RNF40: variants seen among roughly 807,000 people sequenced by gnomAD.
The protein encoded by RNF40 is E3 ubiquitin-protein ligase BRE1B.
A neutral mutation model predicts 123.3 loss-of-function variants in RNF40; 39 were observed. The ratio of observed to expected loss-of-function variants is 0.32; its 90% CI spans 0.24 to 0.41. RNF40 has a LOEUF of 0.41. Ranked by LOEUF, RNF40 falls within the 10% of genes least tolerant of loss-of-function variation. The pLI is 1.00. For missense variants in RNF40, 1,003 were observed against 1,319.9 expected, an observed-to-expected ratio of 0.76 and a Z score of 3.72; for synonymous variants, 538 against 526.0, an observed-to-expected ratio of 1.02 and a Z score of -0.31.
chr16:30,764,366 T>C lies in RNF40; in HGVS notation c.630T>C (p.Cys210=), dbSNP rs2053988809. 1.2e-6 allele frequency: 2 copies of C among 1,613,320 alleles called. No individual in the cohort carries two copies. Among genetic ancestry groups the C allele is most frequent in the Non-Finnish European group, 1.7e-6 (2 of 1,179,956 alleles). The change falls in exon 5 of 20, where the codon TGT becomes TGC. Residue 210 remains cysteine, a synonymous_variant. Coordinates refer to ENST00000324685, the MANE Select transcript of RNF40 (RefSeq NM_014771.4). ...TACAGCGCCGGGTGGAGGAACTCTG[T>C]CAGCGAGTGTACAGCCGAGGTGGGT... ...DRLQRRVEEL[C]QRVYSRGDSE...
Position 30,764,304 on chromosome 16 carries a change from G to A in RNF40, c.568G>A (p.Ala190Thr). ...GCAAGGCCGAATGGAGTTCTCCAAG[G>A]CAGCTGTGTCTCGTGTGGTAGAGGC... ...ELQGRMEFSK[A>T]AVSRVVEASD... Residue 190 changes from alanine (A) to threonine (T), a missense_variant, in exon 5 of 20, where the codon GCA (alanine) becomes ACA (threonine). This residue lies in a region of RNF40 where 274 missense variants were observed against 356.9 expected (regional missense o/e 0.77). Coordinates refer to ENST00000324685, the MANE Select transcript of RNF40 (RefSeq NM_014771.4). 1 of 1,613,982 alleles carries A rather than the reference G, an allele frequency of 6.2e-7. No homozygotes were observed. Among genetic ancestry groups the A allele is most frequent in the Non-Finnish European group, 8.5e-7 (1 of 1,179,956 alleles).
Position 30,768,142 on chromosome 16 carries a change from A to C in RNF40, c.1591A>C (p.Asn531His). ...QASGSAHSTP[N>H]LGHPEDSGVS... is the part of the protein sequence containing the mutation. ...CAGTGGCTCTGCCCACTCCACCCCC[A>C]ACCTGGGCCACCCAGAGGATTCTGG... is the stretch of plus-strand genomic sequence containing the variant. The change falls in exon 13 of 20, where the codon AAC becomes CAC. Residue 531 changes from asparagine (N) to histidine (H), a missense_variant. Physicochemically the swap from Asn to His is moderately conservative, Grantham distance 68 (BLOSUM62 1). Coordinates refer to ENST00000324685, the MANE Select transcript of RNF40 (RefSeq NM_014771.4). This position sits in a 1 kb window ranked among gnomAD's most constrained non-coding sequence, Gnocchi z 4.1. 1 of 1,607,596 alleles carries C rather than the reference A, an allele frequency of 6.2e-7. No individual in the cohort carries two copies. The highest frequency in any genetic ancestry group is 8.5e-7 in the Non-Finnish European group (1 of 1,176,396).
In RNF40 at chr16:30,772,332, C is replaced by T. The variant is rs1596763515; in HGVS notation, c.2829+142C>T. ...AGCACAGTGGTCACAGAGTCAAATG[C>T]TGTTTGCTGTACATGTACTGTGAGC... On this transcript the variant is annotated intron_variant, in intron 19 of 19. Coordinates refer to ENST00000324685, the MANE Select transcript of RNF40 (RefSeq NM_014771.4). 4 of 750,432 alleles carry T rather than the reference C, an allele frequency of 5.3e-6. No individual in the cohort carries two copies. In the East Asian group the frequency reaches 1.1e-4, roughly 20 times the overall value. 46.5% of individuals were successfully genotyped at this position (750,432 alleles called of 1,614,324 possible).
chr16:30,770,005 G>A (rs972323647), intron 17 of RNF40, among the ~76,000 whole-genome samples: 3 of 152,044 alleles, frequency 2.0e-5, no homozygotes, highest in African/African-American at 7.2e-5. Flanking sequence ...CAGGCTGACA[G>A]GTGAGAGGAT....
In RNF40 at chr16:30,765,503, A is replaced by G; in HGVS notation, c.993+4A>G. On this transcript the variant is annotated splice_donor_region_variant and intron_variant, in intron 8 of 19. Coordinates refer to ENST00000324685, the MANE Select transcript of RNF40 (RefSeq NM_014771.4). ...GATCACACTCAGCATGCAGAAGGTG[A>G]GCGGCGTTTTCCTCCCACCCCTTCT... is the stretch of plus-strand genomic sequence containing the variant. 6.2e-7 allele frequency: 1 copy of G among 1,613,790 alleles called. No individual in the cohort carries two copies. Among genetic ancestry groups the G allele is most frequent in the Non-Finnish European group, 8.5e-7 (1 of 1,179,858 alleles).
At position 30,774,516 on chromosome 16, in the gene RNF40, G is replaced by A. The variant is rs760150968; in HGVS notation, c.*402G>A. 1.4e-4 allele frequency: 30 copies of A among 215,650 alleles called. No homozygotes were observed. The highest frequency in any genetic ancestry group is 2.7e-4 in the Non-Finnish European group (29 of 106,228). 13.4% of individuals were successfully genotyped at this position (215,650 alleles called of 1,614,324 possible). A position where few individuals can be genotyped will look rare whatever the true frequency, so the allele number is the denominator to read the frequency against. ...GCTCCCTGCCTACTGGCTCACAAATGAGGACCAGTGAGCCATGTCCTTGTT... is the reference window on the plus strand; with the variant it reads ...GCTCCCTGCCTACTGGCTCACAAATAAGGACCAGTGAGCCATGTCCTTGTT... On this transcript the variant is annotated 3_prime_UTR_variant, in exon 20 of 20. Coordinates refer to ENST00000324685, the MANE Select transcript of RNF40 (RefSeq NM_014771.4).
chr16:30,767,754 A>G lies in RNF40; in HGVS notation c.1430-140A>G, dbSNP rs927256717. On this transcript the variant is annotated intron_variant, in intron 11 of 19. Coordinates refer to ENST00000324685, the MANE Select transcript of RNF40 (RefSeq NM_014771.4). ...CTTGAAGTCAGCATTATTTACTTTG[A>G]TGAGTTCATGCTCCGTTGAGGCCGC... 1.4e-5 allele frequency: 15 copies of G among 1,070,124 alleles called. No homozygotes were observed. The African/African-American group carries it at 2.2e-4, about 16-fold the overall frequency. The allele number at this position is 1,070,124 out of a possible 1,614,324, so 66.3% of individuals were successfully genotyped here.
Position 30,773,969 on chromosome 16 carries a change from G to A in RNF40, c.2861G>A (p.Arg954His), listed in dbSNP as rs971316115. The A allele has an allele frequency of 1.3e-5, 21 of 1,613,554 alleles. No homozygotes were observed. Among genetic ancestry groups the A allele is most frequent in the East Asian group, 2.2e-5 (1 of 44,878 alleles). ...TTGACCTGCCCCTGCTGTAACACCC[G>A]CAAGAAGGATGCAGTCCTTACCAAG... Reference protein sequence around the residue: ...ARLTCPCCNTRKKDAVLTKCF... With the variant: ...ARLTCPCCNTHKKDAVLTKCF... The change falls in exon 20 of 20, where the codon CGC (arginine) becomes CAC (histidine). Residue 954 changes from arginine (R) to histidine (H), a missense_variant. Physicochemically the swap from Arg to His is conservative, Grantham distance 29 (BLOSUM62 0). Around this residue, in one of 11 missense-constraint regions of RNF40, gnomAD observed 76 missense variants for 134.1 expected, o/e 0.57. Coordinates refer to ENST00000324685, the MANE Select transcript of RNF40 (RefSeq NM_014771.4).
chr16:30,762,708 C>G (rs902172852), intron 2 of RNF40, 31 bp downstream of exon 2: 2 of 1,604,332 alleles, frequency 1.2e-6, no homozygotes, highest in Non-Finnish European at 1.7e-6. Context: ...ACCCTCAGAA[C>G]TTCCCAGAGC....
At position 30,774,778 on chromosome 16, in the gene RNF40, G is replaced by A; in HGVS notation, c.*664G>A. 2 of 354,646 alleles carry A rather than the reference G, an allele frequency of 5.6e-6. No individual in the cohort carries two copies. Among genetic ancestry groups the A allele is most frequent in the Non-Finnish European group, 1.1e-5 (2 of 178,770 alleles). The allele number at this position is 354,646 out of a possible 1,614,324, so 22.0% of individuals were successfully genotyped here. A position where few individuals can be genotyped will look rare whatever the true frequency, so the allele number is the denominator to read the frequency against. On this transcript the variant is annotated 3_prime_UTR_variant, in exon 20 of 20. Transcript: ENST00000324685. ...TGCAGGTGCTGAACCAACATCATCA[G>A]TTTCTATTCTAATCAGGCCCCTTCC...
At position 30,765,073 on chromosome 16, in the gene RNF40, G is replaced by T. The variant is rs750546189; in HGVS notation, c.771+14G>T. 2.7e-5 allele frequency: 44 copies of T among 1,613,288 alleles called. No homozygotes were observed. The highest frequency in any genetic ancestry group is 2.5e-5 in the Non-Finnish European group (30 of 1,179,446). On this transcript the variant is annotated intron_variant, in intron 6 of 19. Coordinates refer to ENST00000324685, the MANE Select transcript of RNF40 (RefSeq NM_014771.4). Reference sequence around the variant, plus strand: ...ATCTCATTGGAGGTGAGGAGCCGGGGGCTTTGGGGGTGTGATTAGAATCAG... The same window carrying T: ...ATCTCATTGGAGGTGAGGAGCCGGGTGCTTTGGGGGTGTGATTAGAATCAG...
intron 8 of RNF40, among the ~76,000 whole-genome samples, chr16:30,765,767 C>T (rs962732373): frequency 2.0e-5 from 3 of 152,224 alleles, no homozygotes; most frequent in African/African-American, 7.2e-5. Context: ...TTAGGTTCTA[C>T]TTGTGGTAAC....
intron 17 of RNF40, among the ~76,000 whole-genome samples, chr16:30,770,814 C>T (rs1414010723): frequency 1.3e-5 from 2 of 152,088 alleles, no homozygotes; most frequent in Non-Finnish European, 2.9e-5. Flanking sequence ...CAGGTTCAAG[C>T]GATTCTTCTG....
Position 30,768,164 on chromosome 16 carries a change from C to T in RNF40, c.1613C>T (p.Ser538Phe). 6.2e-7 allele frequency: 1 copy of T among 1,610,766 alleles called. No homozygotes were observed. Among genetic ancestry groups the T allele is most frequent in the South Asian group, 1.1e-5 (1 of 90,628 alleles). ...STPNLGHPEDSGVSAPAPGKE... is the reference protein window; with the variant it reads ...STPNLGHPEDFGVSAPAPGKE... ...CCCAACCTGGGCCACCCAGAGGATT[C>T]TGGCGTCAGTGCCCCAGCCCCAGGG... Residue 538 changes from serine (S) to phenylalanine (F), a missense_variant, in exon 13 of 20, where the codon TCT (serine) becomes TTT (phenylalanine). Coordinates refer to ENST00000324685, the MANE Select transcript of RNF40 (RefSeq NM_014771.4). The surrounding 1 kb of genome is among the most constrained non-coding windows in gnomAD (Gnocchi z 4.1).
intron 4 of RNF40, 76 bp from the exon 5 acceptor site, chr16:30,764,103 G>C (rs1384790444): frequency 8.3e-7 from 1 of 1,203,668 alleles, no homozygotes; most frequent in African/African-American, 1.5e-5. Flanking sequence ...GTATTGAAGG[G>C]CTCAGTCTGG....
intron 4 of RNF40, 99 bp downstream of exon 4, chr16:30,763,658 T>A: frequency 1.6e-6 from 2 of 1,247,352 alleles, no homozygotes; most frequent in Non-Finnish European, 1.1e-6. Flanking sequence ...CCTATCTTAC[T>A]ACTTCTCACG....
intron 17 of RNF40, among the ~76,000 whole-genome samples, chr16:30,770,763 G>A (rs1314305385): frequency 1.3e-5 from 2 of 152,142 alleles, no homozygotes; most frequent in Admixed American, 1.3e-4. Flanking sequence ...CCAGGCTGGA[G>A]TACAGTGGCT....
intron 5 of RNF40, 54 bp from the exon 6 acceptor site, chr16:30,764,884 G>A (rs1202089450): frequency 6.3e-7 from 1 of 1,578,590 alleles, no homozygotes; most frequent in Non-Finnish European, 8.6e-7. Flanking sequence ...GAATGAGTTA[G>A]TTGTTTGCCC....
Position 30,767,957 on chromosome 16 carries a change from A to G in RNF40, c.1493A>G (p.Lys498Arg), listed in dbSNP as rs1279189313. 6.2e-7 allele frequency: 1 copy of G among 1,614,064 alleles called. No individual in the cohort carries two copies. The highest frequency in any genetic ancestry group is 1.3e-5 in the African/African-American group (1 of 74,918). Residue 498 changes from lysine to arginine, a missense_variant, in exon 12 of 20, where the codon AAA (lysine) becomes AGA (arginine). By Grantham distance (26) the Lys-to-Arg change is conservative (BLOSUM62 2). This residue lies in a region of RNF40 where 30 missense variants were observed against 68.9 expected (regional missense o/e 0.44). Transcript: ENST00000324685. ...CTTCAAAACCACAACCACCAGCTAAAAGGGGACGCCCAGCGATACAAGCGG... is the reference window on the plus strand; with the variant it reads ...CTTCAAAACCACAACCACCAGCTAAGAGGGGACGCCCAGCGATACAAGCGG... ...SSLQNHNHQL[K>R]GDAQRYKRKL...
Sources: allele counts gnomAD v4.1 joint callset (sites outside exome capture counted in the v4.1 genomes callset), GRCh38; gene constraint gnomAD v4.1.1; regional missense constraint gnomAD v4.1.1; non-coding constraint Gnocchi (gnomAD v3.1); transcripts MANE v1.5; gene names NCBI Gene and HGNC (gene_info 2026-07-23, HGNC 2026-07-21).